Variants in SRGAP3 observed in about 807,000 individuals in gnomAD.
The protein encoded by SRGAP3 is SLIT-ROBO Rho GTPase activating protein 3, also known as SLIT-ROBO Rho GTPase-activating protein 3.
A neutral mutation model predicts 121.1 loss-of-function variants in SRGAP3; 39 were observed. That is an observed-to-expected ratio of 0.32 (90% confidence interval 0.25 to 0.42). The LOEUF (loss-of-function observed/expected upper bound fraction) is 0.42. SRGAP3 is among the 10% of genes least tolerant of loss of function. The pLI is 1.00. For missense variants in SRGAP3, 1,213 were observed against 1,470.6 expected, an observed-to-expected ratio of 0.82 and a Z score of 2.86; for synonymous variants, 601 against 570.0, an observed-to-expected ratio of 1.05 and a Z score of -0.77.
At chr3:9,021,577 T>C (rs539900070) in intron 14 of SRGAP3, among the ~76,000 whole-genome samples, 62 of 152,014 alleles carry the variant, frequency 4.1e-4, no homozygotes, top group African/African-American at 1.0e-3. Context: ...GATTTAGGAA[T>C]AATAAGCCAG....
intron 18 of SRGAP3, chr3:9,008,263 T>TGACCCAGCA (rs1943184995): frequency 6.6e-6 from 1 of 152,420 alleles, no homozygotes; most frequent in Non-Finnish European, 1.5e-5. Context: ...GCTTCTTCGC[T>TGACCCAGCA]GACCCAGCAA....
intron 14 of SRGAP3, 112 bp downstream of exon 14, chr3:9,025,149 T>C: frequency 9.4e-7 from 1 of 1,066,546 alleles, no homozygotes. Flanking sequence ...CACAATCAGC[T>C]CCTGCAAACC....
intron 3 of SRGAP3, among the ~76,000 whole-genome samples, chr3:9,258,844 T>C (rs1954190441): frequency 6.6e-6 from 1 of 152,196 alleles, no homozygotes; most frequent in Non-Finnish European, 1.5e-5. Flanking sequence ...TCCCTCTGTC[T>C]CTGATCGTGC....
In SRGAP3 at chr3:9,112,289, G is replaced by A. The variant is rs190537479; in HGVS notation, c.261-7447C>T. On this transcript the variant is annotated intron_variant, in intron 2 of 21. Coordinates refer to ENST00000383836, the MANE Select transcript of SRGAP3 (RefSeq NM_014850.4). ...TTCTCAGGCCTCACACTGGGCTTGC[G>A]TCCGAGAAATGCTAACTCAATCAGT... Among the ~76,000 whole-genome samples, 99 of 152,304 alleles carry A rather than the reference G, an allele frequency of 6.5e-4. 1 individual carries two copies. Among genetic ancestry groups the A allele is most frequent in the African/African-American group, 2.0e-3 (85 of 41,566 alleles).
rs574581966 is a variant in SRGAP3 at position 8,981,334 on chromosome 3, C to T, written c.*4185G>A. On this transcript the variant is annotated 3_prime_UTR_variant, in exon 22 of 22. Coordinates refer to ENST00000383836, the MANE Select transcript of SRGAP3 (RefSeq NM_014850.4). Reference sequence around the variant, plus strand: ...CCCTTTCTGCCTTTCCTCCTGGCCGCCACCCCGACTCCCAGCCCAGCAGGG... The same window carrying T: ...CCCTTTCTGCCTTTCCTCCTGGCCGTCACCCCGACTCCCAGCCCAGCAGGG... The T allele has an allele frequency of 3.4e-4, 79 of 232,922 alleles. No individual in the cohort carries two copies. The highest frequency in any genetic ancestry group is 6.0e-4 in the Non-Finnish European group (71 of 117,932). 14.4% of individuals were successfully genotyped at this position (232,922 alleles called of 1,614,324 possible). A position where few individuals can be genotyped will look rare whatever the true frequency, so the allele number is the denominator to read the frequency against.
intron 1 of SRGAP3, among the ~76,000 whole-genome samples, chr3:9,194,827 C>T (rs925917836): frequency 1.3e-5 from 2 of 152,332 alleles, no homozygotes; most frequent in South Asian, 2.1e-4. Context: ...GAACACTGTG[C>T]CCTGTCCAGA....
rs373261369 is a variant in SRGAP3 at position 9,002,892 on chromosome 3, A to G, written c.2227+7416T>C. On this transcript the variant is annotated intron_variant, in intron 18 of 21. Coordinates refer to ENST00000383836, the MANE Select transcript of SRGAP3 (RefSeq NM_014850.4). ...AACAAACTATTGAAACTGACTTAAG[A>G]AGAAAAAAAAATGAATACACTTATA... is the stretch of plus-strand genomic sequence containing the variant. Among the ~76,000 whole-genome samples, 85 of 152,306 alleles carry G rather than the reference A, an allele frequency of 5.6e-4. 1 individual carries two copies. The South Asian group carries it at 0.011, about 20-fold the overall frequency.
chr3:9,194,180 C>G (rs997819024), intron 1 of SRGAP3: 33 of 152,094 alleles, frequency 2.2e-4, no homozygotes, highest in African/African-American at 8.0e-4. Flanking sequence ...AAATGGGGAC[C>G]CTGATGTAGC....
At chr3:8,991,225 C>A (rs1274508690) in intron 20 of SRGAP3, among the ~76,000 whole-genome samples, 1 of 152,180 alleles carries the variant, frequency 6.6e-6, no homozygotes, top group Non-Finnish European at 1.5e-5. Flanking sequence ...TTCCATGATT[C>A]TGAGGGGCTT....
chr3:9,205,823 C>G (rs1952246865), intron 1 of SRGAP3, among the ~76,000 whole-genome samples: 2 of 152,206 alleles, frequency 1.3e-5, no homozygotes, highest in South Asian at 4.1e-4. Flanking sequence ...CTGACACATT[C>G]TATAACGTGG....
Position 9,056,222 on chromosome 3 carries a change from G to C in SRGAP3, c.1125+11C>G. Reference sequence around the variant, plus strand: ...AAGAAAATCCCTTATAGGGCAGAGGGGCTCACTCACCTCCTCATTCTCTAT... The same window carrying C: ...AAGAAAATCCCTTATAGGGCAGAGGCGCTCACTCACCTCCTCATTCTCTAT... On this transcript the variant is annotated intron_variant, in intron 8 of 21. Coordinates refer to ENST00000383836, the MANE Select transcript of SRGAP3 (RefSeq NM_014850.4). 6.2e-7 allele frequency: 1 copy of C among 1,612,894 alleles called. No homozygotes were observed. The highest frequency in any genetic ancestry group is 1.7e-5 in the Admixed American group (1 of 60,020).
chr3:9,057,828 G>A (rs572264431), intron 7 of SRGAP3, among the ~76,000 whole-genome samples: 2 of 152,326 alleles, frequency 1.3e-5, no homozygotes, highest in East Asian at 3.9e-4. Context: ...AAGGAAACTC[G>A]ATCGTCTGGT....
chr3:9,126,639 AAC>A (rs1560210933), intron 1 of SRGAP3, among the ~76,000 whole-genome samples: 6 of 145,452 alleles, frequency 4.1e-5, no homozygotes, highest in African/African-American at 1.1e-4. Flanking sequence ...CTAACTAACT[AAC>A]TAACTAAATA....
chr3:9,312,560 A>G (rs1460182873), intron 3 of SRGAP3, among the ~76,000 whole-genome samples: 1 of 152,268 alleles, frequency 6.6e-6, no homozygotes. Flanking sequence ...AAAGAGCCAG[A>G]CATTGGGTAG....
At position 9,181,110 on chromosome 3, in the gene SRGAP3, T is replaced by A. The variant is rs1356161516; in HGVS notation, c.68-56193A>T. Among the ~76,000 whole-genome samples, 4 of 152,210 alleles carry A rather than the reference T, an allele frequency of 2.6e-5. 1 individual carries two copies. Among genetic ancestry groups the A allele is most frequent in the African/African-American group, 9.7e-5 (4 of 41,438 alleles). ...TTCTTTAAATTTCAGTTTCCTCCTT[T>A]GTAAAATAAGAAGCATAATATACCT... is the stretch of plus-strand genomic sequence containing the variant. On this transcript the variant is annotated intron_variant, in intron 1 of 21. Coordinates refer to ENST00000383836, the MANE Select transcript of SRGAP3 (RefSeq NM_014850.4).
At chr3:9,245,454 G>A (rs910083133) in intron 1 of SRGAP3, among the ~76,000 whole-genome samples, 4 of 152,172 alleles carry the variant, frequency 2.6e-5, no homozygotes, top group African/African-American at 9.7e-5. Flanking sequence ...GTAAGTGGTA[G>A]CGAACCATCC....
chr3:9,137,261 G>A (rs995295741), intron 1 of SRGAP3, among the ~76,000 whole-genome samples: 4 of 152,110 alleles, frequency 2.6e-5, no homozygotes, highest in Non-Finnish European at 4.4e-5. Context: ...GCCACCTCAC[G>A]ATTATTCAGG....
At chr3:9,053,322 G>A in intron 8 of SRGAP3, 98 bp from the exon 9 acceptor site, 1 of 1,221,024 alleles carries the variant, frequency 8.2e-7, no homozygotes, top group Non-Finnish European at 1.2e-6. Flanking sequence ...TCTTCCATAT[G>A]AAGTCCCTAG....
chr3:9,078,554 A>G (rs1026236122), intron 4 of SRGAP3, among the ~76,000 whole-genome samples: 17 of 152,170 alleles, frequency 1.1e-4, no homozygotes, highest in African/African-American at 4.1e-4. Context: ...AACTTCTGGT[A>G]CAGAATGCTC....
Sources: gnomAD v4.1 joint callset for allele counts (sites outside exome capture counted in the v4.1 genomes callset) on GRCh38, gnomAD v4.1.1 for gene constraint, MANE v1.5 for transcripts, NCBI Gene and HGNC (gene_info 2026-07-23, HGNC 2026-07-21) for gene names.